The following ANGPT2 variants were observed in gnomAD, a reference collection of about 807,000 sequenced individuals.
ANGPT2 encodes angiopoietin-2.
A neutral mutation model predicts 62.9 loss-of-function variants in ANGPT2; 28 were observed. The ratio of observed to expected loss-of-function variants is 0.44; its 90% CI spans 0.33 to 0.61. ANGPT2 has a LOEUF of 0.61. ANGPT2 is among the 20% of genes least tolerant of loss of function. The probability of loss-of-function intolerance (pLI) is 0.03; values close to 1 mark genes in which losing one functional copy is unlikely to be tolerated. For missense variants in ANGPT2, 727 were observed against 594.9 expected (o/e 1.22, Z -2.31); for synonymous variants, 284 against 207.8 (o/e 1.37, Z -3.15).
At chr8:6,527,874 T>C (rs1214265511) in intron 2 of ANGPT2, among the ~76,000 whole-genome samples, 198 bp from the exon 3 acceptor site, 2 of 151,848 alleles carry the variant, frequency 1.3e-5, no homozygotes, top group African/African-American at 2.4e-5. Context: ...GTGTTAAACC[T>C]TTTTACTCTT....
At chr8:6,544,914 C>G (rs1006890443) in intron 1 of ANGPT2, among the ~76,000 whole-genome samples, 3 of 152,194 alleles carry the variant, frequency 2.0e-5, no homozygotes, top group African/African-American at 7.2e-5. Context: ...AGTAGTCTCA[C>G]TAGTTTTGTT....
At chr8:6,552,114 C>CT (rs992148882) in intron 1 of ANGPT2, among the ~76,000 whole-genome samples, 2 of 152,164 alleles carry the variant, frequency 1.3e-5, no homozygotes, top group African/African-American at 4.8e-5. Flanking sequence ...AATTCTGAAT[C>CT]TTTTCTACTA....
In ANGPT2 at chr8:6,555,809, A is replaced by G. The variant is rs922209746; in HGVS notation, c.288+6838T>C. On this transcript the variant is annotated intron_variant, in intron 1 of 8. Coordinates refer to ENST00000629816, the MANE Select transcript of ANGPT2 (RefSeq NM_001118887.2). ...TCTGAACGATTAAATAGTTGTACCA[A>G]TTATACCAATTGCACCAATTCTATT... is the stretch of plus-strand genomic sequence containing the variant. Among the ~76,000 whole-genome samples, 3 of 152,188 alleles carry G rather than the reference A, an allele frequency of 2.0e-5. No individual in the cohort carries two copies. The East Asian group carries it at 5.8e-4, about 29-fold the overall frequency.
At chr8:6,560,427 G>A (rs1321135448) in intron 1 of ANGPT2, among the ~76,000 whole-genome samples, 2 of 152,088 alleles carry the variant, frequency 1.3e-5, no homozygotes, top group African/African-American at 2.4e-5. Context: ...CAAAACACAG[G>A]AGAAAAACAA....
intron 1 of ANGPT2, among the ~76,000 whole-genome samples, chr8:6,540,264 C>G (rs190705529): frequency 6.6e-6 from 1 of 152,304 alleles, no homozygotes; most frequent in East Asian, 1.9e-4. Context: ...CTTACCACTA[C>G]TCCAAAATTT....
intron 1 of ANGPT2, among the ~76,000 whole-genome samples, chr8:6,545,909 T>C (rs1272109674): frequency 6.6e-6 from 1 of 152,232 alleles, no homozygotes; most frequent in Non-Finnish European, 1.5e-5. Context: ...TTTTGAGACA[T>C]AGTATAAAAA....
At chr8:6,557,318 C>G (rs1489388910) in intron 1 of ANGPT2, among the ~76,000 whole-genome samples, 2 of 152,072 alleles carry the variant, frequency 1.3e-5, no homozygotes, top group Admixed American at 1.3e-4. Context: ...CTTGCATCCA[C>G]CATACCTACC....
rs76765230 is a variant in ANGPT2 at position 6,538,636 on chromosome 8, C to A, written c.289-6149G>T. Reference sequence around the variant, plus strand: ...TTGAGTCTTCTCTTCCTCCTCAGGTCCCACCATCCCCCATTGCATGCCCTA... The same window carrying A: ...TTGAGTCTTCTCTTCCTCCTCAGGTACCACCATCCCCCATTGCATGCCCTA... On this transcript the variant is annotated intron_variant, in intron 1 of 8. Coordinates refer to ENST00000629816, the MANE Select transcript of ANGPT2 (RefSeq NM_001118887.2). Among the ~76,000 whole-genome samples, 1,514 of 152,292 alleles carry A rather than the reference C, an allele frequency of 9.9e-3. 57 individuals are homozygous for A. In the East Asian group the frequency reaches 0.13, roughly 13 times the overall value.
Position 6,500,004 on chromosome 8 carries a change from A to G in ANGPT2, c.*3097T>C, listed in dbSNP as rs1283520388. ...GAAATTATTATAAACATAAGGGTGG[A>G]CTTAAGTTTTTATCCAGTCAAGCAC... On this transcript the variant is annotated 3_prime_UTR_variant, in exon 9 of 9. Coordinates refer to ENST00000629816, the MANE Select transcript of ANGPT2 (RefSeq NM_001118887.2). 4 of 1,315,046 alleles carry G rather than the reference A, an allele frequency of 3.0e-6. No individual in the cohort carries two copies. In the East Asian group the frequency reaches 9.2e-5, roughly 30 times the overall value. 81.5% of individuals were successfully genotyped at this position (1,315,046 alleles called of 1,614,324 possible).
rs753533535 is a variant in ANGPT2 at position 6,532,344 on chromosome 8, A to G, written c.432T>C (p.Asp144=). Residue 144 remains aspartate (D), a synonymous_variant, in exon 2 of 9, where the codon GAT becomes GAC. Transcript: ENST00000629816. ...TGGCATTACTTACTTGGGCTTCCAC[A>G]TCAGTTAACTTCCGCGTTTGCTCCG... ...QTAEQTRKLT[D]VEAQVLNQTT... 2.5e-6 allele frequency: 4 copies of G among 1,613,996 alleles called. No individual in the cohort carries two copies. The African/African-American group carries it at 4.0e-5, about 16-fold the overall frequency.
rs573318450 is a variant in ANGPT2 at position 6,502,978 on chromosome 8, G to A, written c.*123C>T. 246 of 1,178,728 alleles carry A rather than the reference G, an allele frequency of 2.1e-4. No individual in the cohort carries two copies. In the African/African-American group the frequency reaches 3.4e-3, roughly 16 times the overall value. 73.0% of individuals were successfully genotyped at this position (1,178,728 alleles called of 1,614,324 possible). On this transcript the variant is annotated 3_prime_UTR_variant, in exon 9 of 9. Transcript: ENST00000629816. ...CTCTAATCTGGAGCATGTGGGTCCC[G>A]TCAGCACCGAGCACACGCCCTCTGT...
chr8:6,522,223 C>T (rs540881058), intron 3 of ANGPT2, among the ~76,000 whole-genome samples: 26 of 152,090 alleles, frequency 1.7e-4, no homozygotes, highest in East Asian at 3.9e-4. Context: ...GGCGTGGTGG[C>T]GGGCGCCTGT....
At chr8:6,532,273 C>T (rs1038102814) in intron 2 of ANGPT2, 59 bp downstream of exon 2, 110 of 1,598,774 alleles carry the variant, frequency 6.9e-5, no homozygotes, top group East Asian at 2.5e-4. Context: ...GCTCCTGACG[C>T]GACTGAGTGC....
intron 7 of ANGPT2, among the ~76,000 whole-genome samples, chr8:6,510,016 T>C (rs988794174): frequency 6.6e-6 from 1 of 152,162 alleles, no homozygotes; most frequent in Admixed American, 6.5e-5. Context: ...GCGTATCACC[T>C]TCACACCATC....
In ANGPT2 at chr8:6,509,011, G is replaced by C; in HGVS notation, c.1248C>G (p.Ser416Arg). 1 of 1,614,090 alleles carries C rather than the reference G, an allele frequency of 6.2e-7. No individual in the cohort carries two copies. Among genetic ancestry groups the C allele is most frequent in the Non-Finnish European group, 8.5e-7 (1 of 1,180,016 alleles). The change falls in exon 8 of 9, where the codon AGC (serine) becomes AGG (arginine). Residue 416 changes from serine (S) to arginine (R), a missense_variant. Transcript: ENST00000629816. ...TTGTGCTAAAATCATTTCCTGGTTG[G>C]CTGATGCTGCTTATTTTGCCGGCTG... ...TGTAGKISSI[S>R]QPGNDFSTKD... is the part of the protein sequence containing the mutation.
At chr8:6,505,319 TG>T (rs1253130996) in intron 8 of ANGPT2, among the ~76,000 whole-genome samples, 1 of 62,416 alleles carries the variant, frequency 1.6e-5, no homozygotes, top group African/African-American at 9.1e-5. Flanking sequence ...AACATATATA[TG>T]TTATATACAT....
intron 1 of ANGPT2, among the ~76,000 whole-genome samples, chr8:6,545,031 T>C (rs2129574359): frequency 6.6e-6 from 1 of 152,300 alleles, no homozygotes; most frequent in East Asian, 1.9e-4. Flanking sequence ...AATAGATCGC[T>C]GTCAAATGAA....
At chr8:6,539,029 TTGTGTG>T (rs34625219) in intron 1 of ANGPT2, among the ~76,000 whole-genome samples, 1 of 151,492 alleles carries the variant, frequency 6.6e-6, no homozygotes, top group Middle Eastern at 3.4e-3. Flanking sequence ...AGAGTTGGGC[TTGTGTG>T]TGTGTGTGTG....
At chr8:6,559,999 A>G (rs1328681555) in intron 1 of ANGPT2, among the ~76,000 whole-genome samples, 3 of 152,288 alleles carry the variant, frequency 2.0e-5, no homozygotes, top group Non-Finnish European at 4.4e-5. Flanking sequence ...GGACCTTTTG[A>G]TGATGTGAAA....
Sources: allele counts gnomAD v4.1 joint callset (sites outside exome capture counted in the v4.1 genomes callset), GRCh38; gene constraint gnomAD v4.1.1; transcripts MANE v1.5; gene names NCBI Gene and HGNC (gene_info 2026-07-23, HGNC 2026-07-21).